Variants in SHB observed in about 807,000 individuals in gnomAD.
SHB encodes the protein SH2 domain-containing adapter protein B.
In SHB, 20 loss-of-function variants were observed where a neutral mutation model predicts 52.3. The ratio of observed to expected loss-of-function variants is 0.38; its 90% confidence interval spans 0.27 to 0.56. The LOEUF is 0.56. SHB is among the 20% of genes least tolerant of loss of function. SHB has a pLI of 0.71. For missense variants in SHB, 825 were observed against 723.3 expected (o/e 1.14, Z -1.61); for synonymous variants, 397 against 316.5 (o/e 1.25, Z -2.70).
chr9:38,016,159 G>A (rs1179572213), intron 1 of SHB, 28 bp from the exon 2 acceptor site: 1 of 1,612,842 alleles, frequency 6.2e-7, no homozygotes, highest in Non-Finnish European at 8.5e-7. Context: ...GCAGGTGTGA[G>A]TCCACCTTTG....
At chr9:37,952,724 A>G (rs1832580021) in intron 4 of SHB, among the ~76,000 whole-genome samples, 2 of 152,026 alleles carry the variant, frequency 1.3e-5, no homozygotes, top group Admixed American at 1.3e-4. Context: ...CCGGCAAAAA[A>G]AGGAATCAAG....
intron 2 of SHB, among the ~76,000 whole-genome samples, chr9:37,994,289 G>A (rs1000736322): frequency 6.6e-6 from 1 of 152,190 alleles, no homozygotes; most frequent in Non-Finnish European, 1.5e-5. Context: ...AAATAAGTCA[G>A]TAGATATGAA....
chr9:38,019,823 C>G (rs1821260659), intron 1 of SHB, among the ~76,000 whole-genome samples: 1 of 152,092 alleles, frequency 6.6e-6, no homozygotes, highest in Non-Finnish European at 1.5e-5. Context: ...CTACTGCATC[C>G]ATCAATAGAG....
At chr9:37,940,885 G>T (rs1832427363) in intron 5 of SHB, among the ~76,000 whole-genome samples, 1 of 152,178 alleles carries the variant, frequency 6.6e-6, no homozygotes, top group African/African-American at 2.4e-5. Flanking sequence ...AGAGCTGGAG[G>T]GGCAGCAGCA....
At chr9:37,920,315 CAAAACAAAACAAAACAA>C (rs1832164440) in intron 5 of SHB, among the ~76,000 whole-genome samples, 1 of 150,520 alleles carries the variant, frequency 6.6e-6, no homozygotes, top group African/African-American at 2.5e-5. Flanking sequence ...CAAAACAAAA[CAAAACAAAACAAAACAA>C]AACTTAGTCC....
intron 4 of SHB, among the ~76,000 whole-genome samples, chr9:37,950,382 C>T (rs1272345110): frequency 1.3e-5 from 2 of 152,138 alleles, no homozygotes; most frequent in East Asian, 1.9e-4. Context: ...CCTCCTGCCT[C>T]GGCCTCCCAA....
chr9:38,043,132 T>C (rs986043785), intron 1 of SHB, among the ~76,000 whole-genome samples: 1 of 152,170 alleles, frequency 6.6e-6, no homozygotes, highest in African/African-American at 2.4e-5. Flanking sequence ...CTCCTCCAAG[T>C]AGCCTGCCCA....
chr9:37,981,836 G>C (rs570926840), intron 2 of SHB, among the ~76,000 whole-genome samples: 297 of 152,304 alleles, frequency 2.0e-3, no homozygotes, highest in South Asian at 3.1e-3. Flanking sequence ...TGGTCAGTCA[G>C]TGGGGCAGTC....
chr9:38,013,036 G>GT (rs1821160916), intron 2 of SHB, among the ~76,000 whole-genome samples: 1 of 151,778 alleles, frequency 6.6e-6, no homozygotes, highest in Non-Finnish European at 1.5e-5. Flanking sequence ...AATCACTGGG[G>GT]TGACGCCACA....
intron 1 of SHB, among the ~76,000 whole-genome samples, chr9:38,048,015 G>C (rs890010641): frequency 6.6e-6 from 1 of 152,184 alleles, no homozygotes; most frequent in African/African-American, 2.4e-5. Flanking sequence ...AACACAATGA[G>C]ACACTCAGCG....
intron 4 of SHB, among the ~76,000 whole-genome samples, chr9:37,949,214 G>A (rs943759945): frequency 1.3e-5 from 2 of 151,986 alleles, no homozygotes; most frequent in African/African-American, 2.4e-5. Context: ...CCAACATGGC[G>A]AAACCCCATC....
intron 2 of SHB, among the ~76,000 whole-genome samples, chr9:37,992,207 C>T (rs1820890411): frequency 1.3e-5 from 2 of 152,078 alleles, no homozygotes; most frequent in Non-Finnish European, 2.9e-5. Flanking sequence ...TCGAGACCAG[C>T]CTGGCCAACA....
intron 3 of SHB, among the ~76,000 whole-genome samples, chr9:37,967,751 T>C (rs1240514000): frequency 1.3e-5 from 2 of 152,218 alleles, no homozygotes; most frequent in South Asian, 2.1e-4. Flanking sequence ...ACCCCAGCAA[T>C]CTGTATAACA....
At chr9:38,056,553 G>T (rs747855905) in intron 1 of SHB, among the ~76,000 whole-genome samples, 9 of 152,172 alleles carry the variant, frequency 5.9e-5, no homozygotes, top group Non-Finnish European at 1.2e-4. Context: ...GGCTGGTCTT[G>T]AATCCTGAGC....
intron 4 of SHB, among the ~76,000 whole-genome samples, chr9:37,949,531 A>T (rs1832539486): frequency 6.6e-6 from 1 of 152,198 alleles, no homozygotes; most frequent in Non-Finnish European, 1.5e-5. Flanking sequence ...ACAAATCAGC[A>T]GCGAAGGCCA....
At chr9:37,936,774 A>T (rs1224653616) in intron 5 of SHB, 2 of 152,152 alleles carry the variant, frequency 1.3e-5, no homozygotes, top group Non-Finnish European at 2.9e-5. Flanking sequence ...CATTTTATGC[A>T]CCTCAAACTG....
intron 5 of SHB, chr9:37,936,786 AAACAAAAACTGGG>A (rs1832377197): frequency 6.6e-6 from 1 of 152,184 alleles, no homozygotes; most frequent in Non-Finnish European, 1.5e-5. Context: ...CTCAAACTGG[AAACAAAAACTGGG>A]TGACATTTTA....
chr9:37,975,609 GC>G (rs1820644607), intron 2 of SHB, among the ~76,000 whole-genome samples: 1 of 152,224 alleles, frequency 6.6e-6, no homozygotes, highest in Non-Finnish European at 1.5e-5. Flanking sequence ...GTCCTGGGAG[GC>G]CAGTAGTGGC....
chr9:37,941,125 C>A (rs1245265291), intron 5 of SHB, among the ~76,000 whole-genome samples: 2 of 152,202 alleles, frequency 1.3e-5, no homozygotes, highest in Non-Finnish European at 2.9e-5. Context: ...CCAATAAAAT[C>A]TAGAACCCAT....
Sources: allele counts gnomAD v4.1 joint callset (sites outside exome capture counted in the v4.1 genomes callset), GRCh38; gene constraint gnomAD v4.1.1; transcripts MANE v1.5; gene names NCBI Gene and HGNC (gene_info 2026-07-23, HGNC 2026-07-21).